Variants in SBK2 observed in about 807,000 individuals in gnomAD.
SBK2 encodes the protein SH3 domain binding kinase family member 2.
In SBK2, 18 loss-of-function variants were observed where a neutral mutation model predicts 15.9. The observed-to-expected ratio is 1.13, with a 90% CI of 0.78 to 1.68. The LOEUF (loss-of-function observed/expected upper bound fraction) is 1.68. Ranked by LOEUF, SBK2 falls within the 40% of genes most tolerant of loss-of-function variation. The pLI, the probability that SBK2 is intolerant of heterozygous loss-of-function variation, is 0.00. For missense variants in SBK2, 581 were observed against 510.9 expected (o/e 1.14, Z -1.32); for synonymous variants, 284 against 246.8 (o/e 1.15, Z -1.41).
rs1988172722 is a variant in SBK2 at position 55,528,814 on chromosome 19, G to T, written c.*919C>A. 6.6e-6 allele frequency among the ~76,000 whole-genome samples: 1 copy of T among 152,170 alleles called. No homozygotes were observed. Among genetic ancestry groups the T allele is most frequent in the African/African-American group, 2.4e-5 (1 of 41,414 alleles). ...AGACATTTCCTGATCCCTGCTGCAG[G>T]CCATCGCTGAGTACATGGGGTCTGT... On this transcript the variant is annotated 3_prime_UTR_variant, in exon 4 of 4. Transcript: ENST00000413299.
rs1988422344 is a variant in SBK2, at chr19:55,536,882, CT to C, written c.-3+171del. On this transcript the variant is annotated intron_variant, in intron 1 of 3. Transcript: ENST00000413299. ...TACAATTCACACAACTGGGGACCCC[CT>C]GATTCTGTTTCCCTCACCCTCCACC... Among the ~76,000 whole-genome samples, 5 of 151,900 alleles carry C rather than the reference CT, an allele frequency of 3.3e-5. 1 individual carries two copies. The highest frequency in any genetic ancestry group is 4.4e-5 in the Non-Finnish European group (3 of 67,898).
chr19:55,533,619 G>T (rs1467236918), intron 2 of SBK2, among the ~76,000 whole-genome samples: 4 of 49,844 alleles, frequency 8.0e-5, no homozygotes, highest in African/African-American at 3.7e-4. Context: ...CGCCACTGCA[G>T]TCCACAGTCC....
intron 2 of SBK2, among the ~76,000 whole-genome samples, chr19:55,534,888 G>T (rs1467890556): frequency 6.6e-6 from 1 of 151,732 alleles, no homozygotes. Context: ...AGCTGGGCAT[G>T]GTGGCATGCA....
rs764511335 is a variant in SBK2 at position 55,536,104 on chromosome 19, T to G, written c.191A>C (p.Glu64Ala). 3 of 1,541,612 alleles carry G rather than the reference T, an allele frequency of 1.9e-6. No individual in the cohort carries two copies. The highest frequency in any genetic ancestry group is 2.8e-5 in the African/African-American group (2 of 72,394). The change falls in exon 2 of 4, where the codon GAA (glutamate) becomes GCA (alanine). Residue 64 changes from glutamate (E) to alanine (A), a missense_variant. Transcript: ENST00000413299. ...VRAEVDELYE[E>A]VRPLGQGCYG... ...GCAACCCTGGCCCAGGGGACGCACTTCCTCGTAGAGCTCGTCCACCTCGGC... is the reference window on the plus strand; with the variant it reads ...GCAACCCTGGCCCAGGGGACGCACTGCCTCGTAGAGCTCGTCCACCTCGGC...
intron 2 of SBK2, among the ~76,000 whole-genome samples, chr19:55,534,703 T>TGAA (rs1988351219): frequency 1.1e-4 from 1 of 9,110 alleles, no homozygotes; most frequent in Non-Finnish European, 2.2e-4. Context: ...AGACCCTGTC[T>TGAA]CAAAAAAAAA....
chr19:55,531,743 C>T (rs1239928383), intron 2 of SBK2, among the ~76,000 whole-genome samples: 1 of 152,138 alleles, frequency 6.6e-6, no homozygotes, highest in Non-Finnish European at 1.5e-5. Context: ...TTTGGGAGAC[C>T]GAGGCGGGTG....
chr19:55,530,229 AG>A lies in SBK2; in HGVS notation c.550del (p.Leu184Ter), dbSNP rs1988218076. 1 of 1,532,210 alleles carries A rather than the reference AG, an allele frequency of 6.5e-7. No homozygotes were observed. Among genetic ancestry groups the A allele is most frequent in the Non-Finnish European group, 8.8e-7 (1 of 1,139,546 alleles). 94.9% of individuals were successfully genotyped at this position (1,532,210 alleles called of 1,614,324 possible). On this transcript the variant is annotated frameshift_variant, in exon 4 of 4. Coordinates refer to ENST00000413299, the MANE Select transcript of SBK2 (RefSeq NM_001370096.2). LOFTEE classifies it low-confidence loss of function (END_TRUNC). ...GCACACCAGGACGTTCTCCGGCTTC[AG>A]GTCCCGGTACACCAGGCCGCGGGCG... ...IHARGLVYRD[L>X]KPENVLVCDP...
intron 1 of SBK2, among the ~76,000 whole-genome samples, chr19:55,536,723 A>G (rs1432365905): frequency 1.3e-5 from 2 of 151,958 alleles, no homozygotes; most frequent in East Asian, 1.9e-4. Flanking sequence ...ACTTGGGATC[A>G]GTCCCCAAGC....
At chr19:55,532,821 A>C (rs1311734875) in intron 2 of SBK2, among the ~76,000 whole-genome samples, 2 of 151,942 alleles carry the variant, frequency 1.3e-5, no homozygotes, top group African/African-American at 4.8e-5. Context: ...TAACTGGCTA[A>C]GTTTTTTAAA....
chr19:55,529,531 G>C lies in SBK2; in HGVS notation c.*202C>G, dbSNP rs1010592264. 6.6e-6 allele frequency among the ~76,000 whole-genome samples: 1 copy of C among 152,108 alleles called. No individual in the cohort carries two copies. Among genetic ancestry groups the C allele is most frequent in the African/African-American group, 2.4e-5 (1 of 41,406 alleles). ...GGTCTGAGACCCTGGGGAAGGTGGCGGCAGGTATGGAGGGACATGCAGAGG... is the reference window on the plus strand; with the variant it reads ...GGTCTGAGACCCTGGGGAAGGTGGCCGCAGGTATGGAGGGACATGCAGAGG... On this transcript the variant is annotated 3_prime_UTR_variant, in exon 4 of 4. Transcript: ENST00000413299.
chr19:55,532,372 G>T (rs1712775), intron 2 of SBK2, among the ~76,000 whole-genome samples: 4 of 144,468 alleles, frequency 2.8e-5, no homozygotes, highest in Non-Finnish European at 6.0e-5. Flanking sequence ...GCGTCATCTC[G>T]GCTCACTGCA....
At position 55,529,029 on chromosome 19, in the gene SBK2, C is replaced by T. The variant is rs1251044266; in HGVS notation, c.*704G>A. 6.6e-6 allele frequency among the ~76,000 whole-genome samples: 1 copy of T among 152,212 alleles called. No individual in the cohort carries two copies. Among genetic ancestry groups the T allele is most frequent in the Non-Finnish European group, 1.5e-5 (1 of 68,048 alleles). On this transcript the variant is annotated 3_prime_UTR_variant, in exon 4 of 4. Coordinates refer to ENST00000413299, the MANE Select transcript of SBK2 (RefSeq NM_001370096.2). ...CACTGCGGGAGGCCGAGGTGGGAGA[C>T]TCGCTCCAGGCCAGGAATTTGAGAC...
chr19:55,531,194 G>A lies in SBK2; in HGVS notation c.405C>T (p.Phe135=), dbSNP rs766204798. The stretch of plus-strand genomic sequence containing the variant: ...CCCCGTGCAGGACGGGCTCCGTCAG[G>A]AAGCTGTAGGAGTGTGCCGACTCGA... ...IGIESAHSYS[F]LTEPVLHGDL... Residue 135 remains phenylalanine, a synonymous_variant, in exon 3 of 4, where the codon TTC becomes TTT. Coordinates refer to ENST00000413299, the MANE Select transcript of SBK2 (RefSeq NM_001370096.2). 7.4e-6 allele frequency: 12 copies of A among 1,613,370 alleles called. No homozygotes were observed. The highest frequency in any genetic ancestry group is 1.3e-5 in the African/African-American group (1 of 75,046).
intron 1 of SBK2, 28 bp from the exon 2 acceptor site, chr19:55,536,324 C>G: frequency 6.7e-7 from 1 of 1,494,494 alleles, no homozygotes; most frequent in Non-Finnish European, 8.9e-7. Context: ...GGTGCCCAGG[C>G]TCAGGTCCCA....
At chr19:55,535,821 T>C (rs1225547344) in intron 2 of SBK2, among the ~76,000 whole-genome samples, 3 of 152,076 alleles carry the variant, frequency 2.0e-5, no homozygotes, top group African/African-American at 7.2e-5. Context: ...GAGGTGGAAG[T>C]TGCAGTGAGA....
chr19:55,531,691 A>T (rs953004086), intron 2 of SBK2, among the ~76,000 whole-genome samples: 2 of 152,218 alleles, frequency 1.3e-5, no homozygotes, highest in African/African-American at 4.8e-5. Context: ...AAAAAGTTTT[A>T]AAAAGGCCGG....
At position 55,530,081 on chromosome 19, in the gene SBK2, C is replaced by T. The variant is rs1988212765; in HGVS notation, c.699G>A (p.Pro233=). The T allele has an allele frequency of 6.9e-6, 10 of 1,439,086 alleles. No individual in the cohort carries two copies. The highest frequency in any genetic ancestry group is 9.1e-6 in the Non-Finnish European group (10 of 1,102,128). 89.1% of individuals were successfully genotyped at this position (1,439,086 alleles called of 1,614,324 possible). A position where few individuals can be genotyped will look rare whatever the true frequency, so the allele number is the denominator to read the frequency against. Residue 233 remains proline (P), a synonymous_variant, in exon 4 of 4, where the codon CCG becomes CCA. Transcript: ENST00000413299. ...YTAPELCAPP[P]LPEGLPIQPA... ...GCTGAATGGGCAGGCCCTCGGGGAG[C>T]GGCGGGGGCGCGCAGAGCTCGGGGG...
Position 55,529,623 on chromosome 19 carries a change from G to T in SBK2, c.*110C>A. ...AGAGGAGAGAGGAGGAGGACGCCGA[G>T]GGGAATCCCAAGCCCCATGGATGAA... On this transcript the variant is annotated 3_prime_UTR_variant, in exon 4 of 4. Coordinates refer to ENST00000413299, the MANE Select transcript of SBK2 (RefSeq NM_001370096.2). The T allele has an allele frequency of 7.1e-7, 1 of 1,417,970 alleles. No individual in the cohort carries two copies. Among genetic ancestry groups the T allele is most frequent in the Non-Finnish European group, 9.3e-7 (1 of 1,075,036 alleles). The allele number at this position is 1,417,970 out of a possible 1,614,324, so 87.8% of individuals were successfully genotyped here. A position where few individuals can be genotyped will look rare whatever the true frequency, so the allele number is the denominator to read the frequency against.
At chr19:55,531,115 G>A (rs2123476379) in intron 3 of SBK2, 28 bp downstream of exon 3, 2 of 1,596,502 alleles carry the variant, frequency 1.3e-6, no homozygotes, top group Non-Finnish European at 1.7e-6. Flanking sequence ...TGAGGCACTC[G>A]GAGGCGGCCT....
Sources: gnomAD v4.1 joint callset for allele counts (sites outside exome capture counted in the v4.1 genomes callset) on GRCh38, gnomAD v4.1.1 for gene constraint, MANE v1.5 for transcripts, NCBI Gene and HGNC (gene_info 2026-07-23, HGNC 2026-07-21) for gene names.